Variants in EPDR1 observed in about 807,000 individuals in gnomAD.
EPDR1 encodes the protein mammalian ependymin-related protein 1.
EPDR1 carries 27 observed loss-of-function variants against 23.7 expected under a neutral mutation model. The ratio of observed to expected loss-of-function variants is 1.14; its 90% CI spans 0.84 to 1.57. The LOEUF (loss-of-function observed/expected upper bound fraction) is 1.57. Among genes scored for constraint, EPDR1 ranks in the 40% most tolerant of loss-of-function variants. The probability of loss-of-function intolerance (pLI) is 0.00; values close to 1 mark genes in which losing one functional copy is unlikely to be tolerated. For synonymous variants in EPDR1, 137 were observed against 118.2 expected (o/e 1.16, Z -1.03); for missense variants, 349 against 290.4 (o/e 1.20, Z -1.47).
At chr7:37,926,315 C>CGATCCCCA (rs1416636492) in intron 1 of EPDR1, among the ~76,000 whole-genome samples, 1 of 152,140 alleles carries the variant, frequency 6.6e-6, no homozygotes, top group Non-Finnish European at 1.5e-5. Flanking sequence ...GATATACCCA[C>CGATCCCCA]GATCCCCAAA....
chr7:37,949,755 A>G (rs1282553161), intron 2 of EPDR1, among the ~76,000 whole-genome samples: 2 of 152,274 alleles, frequency 1.3e-5, no homozygotes, highest in Admixed American at 6.5e-5. Flanking sequence ...AATCTGGTAT[A>G]GTCATACAAC....
At chr7:37,944,017 G>A (rs180770532) in intron 1 of EPDR1, among the ~76,000 whole-genome samples, 14 of 152,186 alleles carry the variant, frequency 9.2e-5, no homozygotes, top group Admixed American at 8.5e-4. Flanking sequence ...GCTGCTCCCC[G>A]GGTCTCTCCA....
At chr7:37,945,027 T>C (rs1003144670) in intron 1 of EPDR1, among the ~76,000 whole-genome samples, 2 of 152,176 alleles carry the variant, frequency 1.3e-5, no homozygotes, top group Non-Finnish European at 2.9e-5. Context: ...AGACAACTTG[T>C]TTTTTGGGTG....
In EPDR1 at chr7:37,923,019, C is replaced by A. The variant is rs373701564; in HGVS notation, c.269+1811C>A. Reference sequence around the variant, plus strand: ...CATGCCTGGTATGTGTGTGCCATCCCGGAGTTTTTAGAGCTGAGTAAATTC... The same window carrying A: ...CATGCCTGGTATGTGTGTGCCATCCAGGAGTTTTTAGAGCTGAGTAAATTC... On this transcript the variant is annotated intron_variant, in intron 1 of 2. Transcript: ENST00000199448. 2.6e-5 allele frequency among the ~76,000 whole-genome samples: 4 copies of A among 152,092 alleles called. No individual in the cohort carries two copies. The East Asian group carries it at 5.8e-4, about 22-fold the overall frequency.
chr7:37,938,007 T>TTTTTTTTTTTTTTTTTTTTTTTTTTTC (rs1245989568), intron 1 of EPDR1, among the ~76,000 whole-genome samples: 1 of 134,260 alleles, frequency 7.4e-6, no homozygotes. Context: ...TTTTTTTTTT[T>TTTTTTTTTTTTTTTTTTTTTTTTTTTC]TGAGATGGAG....
intron 1 of EPDR1, among the ~76,000 whole-genome samples, chr7:37,934,816 G>T (rs969382649): frequency 1.3e-5 from 2 of 152,088 alleles, no homozygotes; most frequent in East Asian, 3.9e-4. Flanking sequence ...ATGGTGGCAT[G>T]TGCCTGTGGT....
Position 37,948,861 on chromosome 7 carries a change from G to A in EPDR1, c.291G>A (p.Leu97=). The A allele has an allele frequency of 6.2e-7, 1 of 1,614,082 alleles. No individual in the cohort carries two copies. The highest frequency in any genetic ancestry group is 1.1e-5 in the South Asian group (1 of 91,082). Residue 97 remains leucine (L), a synonymous_variant, in exon 2 of 3, where the codon CTG becomes CTA. Transcript: ENST00000199448. Reference sequence around the variant, plus strand: ...TCAGATTATTTGAATATATTTTGCTGTATAAGGATGGAGTGATGTTTCAGA... The same window carrying A: ...TCAGATTATTTGAATATATTTTGCTATATAAGGATGGAGTGATGTTTCAGA... ...PCKRLFEYIL[L]YKDGVMFQID... is the part of the protein sequence containing the mutation.
chr7:37,944,013 C>A (rs1042761198), intron 1 of EPDR1, among the ~76,000 whole-genome samples: 4 of 152,152 alleles, frequency 2.6e-5, no homozygotes, highest in African/African-American at 9.7e-5. Flanking sequence ...GGCAGCTGCT[C>A]CCCGGGTCTC....
rs1785683844 is a variant in EPDR1, at chr7:37,921,016, C to G, written c.77C>G (p.Thr26Ser). 6.6e-7 allele frequency: 1 copy of G among 1,524,040 alleles called. No homozygotes were observed. The highest frequency in any genetic ancestry group is 1.4e-5 in the African/African-American group (1 of 72,746). The allele number at this position is 1,524,040 out of a possible 1,614,324, so 94.4% of individuals were successfully genotyped here. The change falls in exon 1 of 3, where the codon ACC (threonine) becomes AGC (serine). Residue 26 changes from threonine (T) to serine (S), a missense_variant. Thr to Ser is a moderately conservative substitution (Grantham distance 58). Transcript: ENST00000199448. ...CTGCTGGGCGGCCTCTGGGCCTGGA[C>G]CCTGTGCGGCCTGTGCAGCCTGGGG... is the stretch of plus-strand genomic sequence containing the variant. ...AWLLGGLWAW[T>S]LCGLCSLGAV...
chr7:37,935,146 T>A (rs985452013), intron 1 of EPDR1, among the ~76,000 whole-genome samples: 2 of 152,178 alleles, frequency 1.3e-5, no homozygotes, highest in African/African-American at 2.4e-5. Context: ...AATTTTGGTA[T>A]CTACAGGGCT....
At chr7:37,939,042 G>A (rs1433748533) in intron 1 of EPDR1, among the ~76,000 whole-genome samples, 1 of 151,560 alleles carries the variant, frequency 6.6e-6, no homozygotes, top group African/African-American at 2.4e-5. Context: ...GCAGTGACGG[G>A]ATCTTAGCTC....
intron 1 of EPDR1, among the ~76,000 whole-genome samples, chr7:37,937,780 G>T (rs918136577): frequency 1.4e-4 from 22 of 151,972 alleles, no homozygotes; most frequent in Admixed American, 9.2e-4. Context: ...GGGGACTTTT[G>T]CAAGTTCATA....
At chr7:37,932,831 A>G (rs1239303226) in intron 1 of EPDR1, among the ~76,000 whole-genome samples, 1 of 152,208 alleles carries the variant, frequency 6.6e-6, no homozygotes, top group East Asian at 1.9e-4. Flanking sequence ...CTTTCATCAG[A>G]TGAAAGAGTA....
At chr7:37,934,008 G>A (rs180770875) in intron 1 of EPDR1, among the ~76,000 whole-genome samples, 47 of 137,324 alleles carry the variant, frequency 3.4e-4, no homozygotes, top group Middle Eastern at 3.8e-3. Flanking sequence ...ACGGAGTCTC[G>A]CTCTGTCACC....
intron 2 of EPDR1, among the ~76,000 whole-genome samples, chr7:37,949,583 A>G (rs180767986): frequency 7.9e-5 from 12 of 152,314 alleles, no homozygotes; most frequent in African/African-American, 2.4e-4. Context: ...TAAGACTGCC[A>G]TATGACCCAG....
intron 1 of EPDR1, chr7:37,921,415 G>T: frequency 7.2e-7 from 1 of 1,393,748 alleles, no homozygotes; most frequent in Non-Finnish European, 9.3e-7. Flanking sequence ...CGGCCTGCTG[G>T]CGGGGGACTC....
intron 1 of EPDR1, among the ~76,000 whole-genome samples, chr7:37,947,061 A>G (rs113673820): frequency 6.6e-5 from 10 of 152,330 alleles, no homozygotes; most frequent in East Asian, 3.9e-4. Flanking sequence ...AAGTGTATAG[A>G]AATGTCCTAG....
chr7:37,945,235 C>T (rs1786249560), intron 1 of EPDR1, among the ~76,000 whole-genome samples: 1 of 152,174 alleles, frequency 6.6e-6, no homozygotes, highest in African/African-American at 2.4e-5. Context: ...TTTCAAAGGG[C>T]TAACAGTTTT....
chr7:37,938,824 C>A (rs1475937342), intron 1 of EPDR1, among the ~76,000 whole-genome samples: 1 of 152,136 alleles, frequency 6.6e-6, no homozygotes, highest in Non-Finnish European at 1.5e-5. Context: ...TGTTTCAGTA[C>A]CCTTGGGAGT....
Sources: allele counts gnomAD v4.1 joint callset (sites outside exome capture counted in the v4.1 genomes callset), GRCh38; gene constraint gnomAD v4.1.1; transcripts MANE v1.5; gene names NCBI Gene and HGNC (gene_info 2026-07-23, HGNC 2026-07-21).